Variants in MGAT4C observed in about 807,000 individuals in gnomAD.
The protein encoded by MGAT4C is alpha-1,3-mannosyl-glycoprotein 4-beta-N-acetylglucosaminyltransferase C.
In MGAT4C, 19 loss-of-function variants were observed where a neutral mutation model predicts 40.1. That is an observed-to-expected ratio of 0.47 (90% CI 0.33 to 0.70). The LOEUF is 0.70. Among genes scored for constraint, MGAT4C ranks in the 30% least tolerant of loss-of-function variants. The pLI is 0.02. For synonymous variants in MGAT4C, 181 were observed against 187.1 expected (o/e 0.97, Z 0.27); for missense variants, 491 against 563.2 (o/e 0.87, Z 1.30).
chr12:86,713,010 T>C (rs1950585358), intron 2 of MGAT4C, among the ~76,000 whole-genome samples: 1 of 152,158 alleles, frequency 6.6e-6, no homozygotes, highest in Non-Finnish European at 1.5e-5. Context: ...AATTTTCTAC[T>C]ATTTATTCTG....
At chr12:86,097,988 G>T (rs1565978061) in intron 1 of MGAT4C, among the ~76,000 whole-genome samples, 1 of 151,550 alleles carries the variant, frequency 6.6e-6, no homozygotes, top group Non-Finnish European at 1.5e-5. Context: ...CACTCATCCT[G>T]AAGGAAGGAA....
At chr12:86,519,758 A>G (rs981896535) in intron 2 of MGAT4C, among the ~76,000 whole-genome samples, 1 of 152,028 alleles carries the variant, frequency 6.6e-6, no homozygotes, top group Non-Finnish European at 1.5e-5. Flanking sequence ...GACTATCTGC[A>G]TTGTTTTCTT....
chr12:86,421,492 C>T (rs1310543150), intron 3 of MGAT4C, among the ~76,000 whole-genome samples: 1 of 152,290 alleles, frequency 6.6e-6, no homozygotes, highest in African/African-American at 2.4e-5. Context: ...CTTGGATTGG[C>T]CTGGCGCCAT....
chr12:86,725,297 G>A (rs1281230921), intron 2 of MGAT4C, among the ~76,000 whole-genome samples: 3 of 152,060 alleles, frequency 2.0e-5, no homozygotes, highest in African/African-American at 4.8e-5. Flanking sequence ...TGTTAGTTAC[G>A]TACCAGTTCT....
chr12:86,550,376 A>G lies in MGAT4C; in HGVS notation c.-228-115111T>C, dbSNP rs148001798. Among the ~76,000 whole-genome samples, 408 of 152,288 alleles carry G rather than the reference A, an allele frequency of 2.7e-3. 2 individuals carry two copies. Among genetic ancestry groups the G allele is most frequent in the African/African-American group, 9.3e-3 (388 of 41,568 alleles). ...TATAGGGAAATCCCACAGTCCTTGA[A>G]AGCCCTGAGGCCACTTTGAATAGCT... On this transcript the variant is annotated intron_variant, in intron 2 of 7. Coordinates refer to the MGAT4C transcript ENST00000548651.
chr12:86,784,863 T>C (rs1951904992), intron 1 of MGAT4C, among the ~76,000 whole-genome samples: 1 of 151,930 alleles, frequency 6.6e-6, no homozygotes, highest in African/African-American at 2.4e-5. Flanking sequence ...AATGCAGTTC[T>C]GAAAAACTAA....
In MGAT4C at chr12:86,383,078, T is replaced by G. The variant is rs181594418; in HGVS notation, c.-119-48951A>C. 9.3e-4 allele frequency among the ~76,000 whole-genome samples: 141 copies of G among 152,240 alleles called. 1 individual carries two copies. Among genetic ancestry groups the G allele is most frequent in the African/African-American group, 3.1e-3 (127 of 41,560 alleles). On this transcript the variant is annotated intron_variant, in intron 3 of 7. Transcript: ENST00000548651. ...TGGTAGATCCACTGACAGCCTGCAT[T>G]GGGTTTCTTGAAAAGCTACAGACAT... is the stretch of plus-strand genomic sequence containing the variant.
chr12:86,365,322 C>T (rs1188076110), intron 3 of MGAT4C, among the ~76,000 whole-genome samples: 1 of 152,030 alleles, frequency 6.6e-6, no homozygotes, highest in African/African-American at 2.4e-5. Flanking sequence ...TTTCAAGGTG[C>T]CCAGATTTCA....
At chr12:86,229,834 C>G (rs1273235931) in intron 1 of MGAT4C, among the ~76,000 whole-genome samples, 4 of 151,990 alleles carry the variant, frequency 2.6e-5, no homozygotes, top group Non-Finnish European at 5.9e-5. Flanking sequence ...TTATATATAA[C>G]TTTCAGCAAA....
At chr12:86,285,199 T>C (rs1953321720) in intron 4 of MGAT4C, among the ~76,000 whole-genome samples, 1 of 151,960 alleles carries the variant, frequency 6.6e-6, no homozygotes, top group Admixed American at 6.6e-5. Context: ...CTATAGATAT[T>C]AGACACTATA....
intron 2 of MGAT4C, among the ~76,000 whole-genome samples, chr12:86,555,631 G>A (rs750675255): frequency 6.6e-6 from 1 of 152,126 alleles, no homozygotes; most frequent in Non-Finnish European, 1.5e-5. Flanking sequence ...TCCCAGGATC[G>A]ATTGTATCTT....
intron 2 of MGAT4C, among the ~76,000 whole-genome samples, chr12:86,707,575 T>C (rs536766854): frequency 2.6e-5 from 4 of 151,520 alleles, no homozygotes; most frequent in Non-Finnish European, 4.4e-5. Flanking sequence ...CTGTCACACA[T>C]GCTGAAGTGC....
At chr12:86,307,860 G>C (rs939416783) in intron 4 of MGAT4C, among the ~76,000 whole-genome samples, 4 of 149,840 alleles carry the variant, frequency 2.7e-5, no homozygotes, top group Non-Finnish European at 4.4e-5. Context: ...CCGCCACTAC[G>C]TCCGGCTAAA....
At chr12:85,983,464 C>T in intron 4 of MGAT4C, 59 bp downstream of exon 4, 1 of 1,379,420 alleles carries the variant, frequency 7.2e-7, no homozygotes. Context: ...GTGAAACTAT[C>T]ATTATTTTAA....
intron 1 of MGAT4C, among the ~76,000 whole-genome samples, chr12:86,808,934 T>TTG (rs1952417633): frequency 6.6e-6 from 1 of 151,998 alleles, no homozygotes; most frequent in Admixed American, 6.6e-5. Context: ...TTCACCAAAG[T>TTG]CTCAGGATAC....
rs553348058 is a variant in MGAT4C at position 86,685,955 on chromosome 12, C to T, written c.-229+41254G>A. Among the ~76,000 whole-genome samples, 118 of 151,856 alleles carry T rather than the reference C, an allele frequency of 7.8e-4. 2 individuals are homozygous for T. The South Asian group carries it at 0.024, about 31-fold the overall frequency. ...TCAGCTCACTGCAAGCTCTGCCTCC[C>T]AGGTTCACGCCATTCTCCTGCCTCA... On this transcript the variant is annotated intron_variant, in intron 2 of 7. Coordinates refer to the MGAT4C transcript ENST00000548651.
At chr12:86,487,334 A>G (rs1224995135) in intron 2 of MGAT4C, among the ~76,000 whole-genome samples, 1 of 152,200 alleles carries the variant, frequency 6.6e-6, no homozygotes, top group African/African-American at 2.4e-5. Flanking sequence ...GAATGTATCC[A>G]GTTAGGACTA....
intron 2 of MGAT4C, among the ~76,000 whole-genome samples, chr12:86,554,064 C>A (rs1041179205): frequency 1.3e-5 from 2 of 151,852 alleles, no homozygotes; most frequent in Admixed American, 1.3e-4. Flanking sequence ...TTCAACCTCT[C>A]TTTACCTTCA....
chr12:86,293,065 G>A lies in MGAT4C; in HGVS notation c.-57+41000C>T, dbSNP rs12099749. 3.8e-3 allele frequency among the ~76,000 whole-genome samples: 576 copies of A among 152,220 alleles called. 3 individuals carry two copies. Among genetic ancestry groups the A allele is most frequent in the African/African-American group, 0.013 (559 of 41,544 alleles). On this transcript the variant is annotated intron_variant, in intron 4 of 7. Coordinates refer to the MGAT4C transcript ENST00000548651. Reference sequence around the variant, plus strand: ...TCTAAAATGTTCTAAACGTTAGTACGACCCCTGGTGAATAAGATTTCTATA... The same window carrying A: ...TCTAAAATGTTCTAAACGTTAGTACAACCCCTGGTGAATAAGATTTCTATA...
Sources: allele counts gnomAD v4.1 joint callset (sites outside exome capture counted in the v4.1 genomes callset), GRCh38; gene constraint gnomAD v4.1.1; transcripts MANE v1.5; gene names NCBI Gene and HGNC (gene_info 2026-07-23, HGNC 2026-07-21).